Variants in FHIT observed in about 807,000 individuals in gnomAD.
The protein encoded by FHIT is fragile histidine triad diadenosine triphosphatase.
A neutral mutation model predicts 17.9 loss-of-function variants in FHIT; 19 were observed. The observed-to-expected ratio is 1.06, with a 90% CI of 0.74 to 1.56. The LOEUF is 1.56. FHIT is among the 40% of genes most tolerant of loss of function. FHIT has a pLI of 0.00. For synonymous variants in FHIT, 81 were observed against 69.7 expected (o/e 1.16, Z -0.81); for missense variants, 248 against 189.2 (o/e 1.31, Z -1.82).
intron 3 of FHIT, among the ~76,000 whole-genome samples, chr3:61,039,008 A>C (rs2033381106): frequency 6.6e-6 from 1 of 152,196 alleles, no homozygotes; most frequent in African/African-American, 2.4e-5. Flanking sequence ...AATTAATTGC[A>C]CTATTCACTC....
At chr3:60,252,039 C>T (rs1327442681) in intron 5 of FHIT, among the ~76,000 whole-genome samples, 1 of 152,068 alleles carries the variant, frequency 6.6e-6, no homozygotes, top group Non-Finnish European at 1.5e-5. Flanking sequence ...TCATGAGTAC[C>T]GAATGTGTGC....
At chr3:60,390,118 C>G (rs1483569106) in intron 5 of FHIT, among the ~76,000 whole-genome samples, 1 of 152,088 alleles carries the variant, frequency 6.6e-6, no homozygotes, top group Non-Finnish European at 1.5e-5. Flanking sequence ...AAATGAAAAT[C>G]AATGTAATTG....
At chr3:60,901,632 A>G (rs2107225564) in intron 3 of FHIT, among the ~76,000 whole-genome samples, 1 of 152,372 alleles carries the variant, frequency 6.6e-6, no homozygotes, top group Non-Finnish European at 1.5e-5. Flanking sequence ...AAGTAGCAGT[A>G]ACAACTAAGT....
intron 5 of FHIT, among the ~76,000 whole-genome samples, chr3:60,081,868 G>A (rs1703299975): frequency 6.6e-6 from 1 of 151,416 alleles, no homozygotes. Flanking sequence ...TGATAAACTT[G>A]CCAAAAGAAA....
chr3:60,342,420 T>A (rs750171253), intron 5 of FHIT, among the ~76,000 whole-genome samples: 1 of 152,230 alleles, frequency 6.6e-6, no homozygotes, highest in Non-Finnish European at 1.5e-5. Flanking sequence ...GGACACCAAA[T>A]TCTGATTTTA....
At chr3:60,676,472 T>C (rs558192440) in intron 4 of FHIT, among the ~76,000 whole-genome samples, 43 of 152,288 alleles carry the variant, frequency 2.8e-4, no homozygotes, top group African/African-American at 1.0e-3. Context: ...ATGTTTTCAT[T>C]AAATTAGGGT....
chr3:60,926,785 C>G (rs1222745718), intron 3 of FHIT, among the ~76,000 whole-genome samples: 1 of 151,950 alleles, frequency 6.6e-6, no homozygotes, highest in African/African-American at 2.4e-5. Context: ...TTGAAAAGAT[C>G]AACAAAATTG....
At chr3:59,917,603 A>T (rs1383058587) in intron 8 of FHIT, among the ~76,000 whole-genome samples, 1 of 152,170 alleles carries the variant, frequency 6.6e-6, no homozygotes, top group Non-Finnish European at 1.5e-5. Context: ...AAGAACATAG[A>T]TGTAGAAAGA....
At chr3:61,200,997 G>A (rs897758958) in intron 1 of FHIT, among the ~76,000 whole-genome samples, 3 of 152,104 alleles carry the variant, frequency 2.0e-5, no homozygotes, top group African/African-American at 7.2e-5. Context: ...GACATACTCA[G>A]TCTGACTAAG....
At chr3:60,346,721 G>C (rs887918143) in intron 5 of FHIT, among the ~76,000 whole-genome samples, 2 of 152,126 alleles carry the variant, frequency 1.3e-5, no homozygotes, top group African/African-American at 2.4e-5. Context: ...TGCAACAGTT[G>C]CAACTAAATT....
At chr3:60,591,375 T>G (rs1055309167) in intron 4 of FHIT, among the ~76,000 whole-genome samples, 5 of 142,748 alleles carry the variant, frequency 3.5e-5, no homozygotes, top group Non-Finnish European at 7.7e-5. Flanking sequence ...TAGAGAAAGA[T>G]GATGGACTTA....
intron 3 of FHIT, among the ~76,000 whole-genome samples, chr3:60,842,128 A>C (rs890249457): frequency 7.2e-5 from 11 of 152,142 alleles, no homozygotes; most frequent in African/African-American, 2.7e-4. Flanking sequence ...CAGAATCTTG[A>C]CAAAGTCATG....
At chr3:59,941,877 C>G (rs144926150) in intron 7 of FHIT, among the ~76,000 whole-genome samples, 40 of 152,228 alleles carry the variant, frequency 2.6e-4, no homozygotes, top group African/African-American at 9.6e-4. Flanking sequence ...AGTGGGTTGG[C>G]TCAACTGGCA....
intron 2 of FHIT, among the ~76,000 whole-genome samples, chr3:61,056,847 C>A (rs1429923631): frequency 6.6e-6 from 1 of 152,162 alleles, no homozygotes; most frequent in Non-Finnish European, 1.5e-5. Flanking sequence ...GGTACCAGCA[C>A]AAAAGTTTTG....
At chr3:60,028,357 G>C (rs1297429367) in intron 5 of FHIT, among the ~76,000 whole-genome samples, 1 of 152,174 alleles carries the variant, frequency 6.6e-6, no homozygotes, top group Admixed American at 6.5e-5. Context: ...GGGTCATTGG[G>C]TAAAGTACAA....
chr3:60,888,245 T>C (rs1705325228), intron 3 of FHIT, among the ~76,000 whole-genome samples: 1 of 152,210 alleles, frequency 6.6e-6, no homozygotes, highest in Admixed American at 6.5e-5. Flanking sequence ...CACCGCATTT[T>C]CTCCAACTCC....
intron 4 of FHIT, among the ~76,000 whole-genome samples, chr3:60,560,367 C>T (rs963329237): frequency 8.6e-5 from 13 of 151,968 alleles, no homozygotes; most frequent in Admixed American, 2.6e-4. Flanking sequence ...GCTGGGAATA[C>T]GGTCAGAGAT....
At chr3:60,884,761 T>C (rs1048669886) in intron 3 of FHIT, among the ~76,000 whole-genome samples, 11 of 151,528 alleles carry the variant, frequency 7.3e-5, no homozygotes, top group Non-Finnish European at 2.9e-5. Context: ...CAAGATTCTA[T>C]CTCTATAAAA....
chr3:60,367,334 A>G (rs1336910885), intron 5 of FHIT, among the ~76,000 whole-genome samples: 2 of 152,204 alleles, frequency 1.3e-5, no homozygotes, highest in Admixed American at 6.5e-5. Context: ...AACACTCCTC[A>G]AAGTACCTCT....
Sources: gnomAD v4.1 joint callset for allele counts (sites outside exome capture counted in the v4.1 genomes callset) on GRCh38, gnomAD v4.1.1 for gene constraint, MANE v1.5 for transcripts, NCBI Gene and HGNC (gene_info 2026-07-23, HGNC 2026-07-21) for gene names.